The following TATDN3 variants were observed in gnomAD, a reference collection of about 807,000 sequenced individuals.
The protein encoded by TATDN3 is deoxyribonuclease TATDN3.
Under a neutral mutation model 40.1 loss-of-function variants are expected in TATDN3, and 29 were observed. The ratio of observed to expected loss-of-function variants is 0.72; its 90% CI spans 0.54 to 0.99. TATDN3 has a LOEUF of 0.99. Ranked by LOEUF, TATDN3 falls within the 50% of genes least tolerant of loss-of-function variation. The pLI is 0.00. For synonymous variants in TATDN3, 105 were observed against 117.0 expected (o/e 0.90, Z 0.66); for missense variants, 309 against 321.9 (o/e 0.96, Z 0.31).
In TATDN3 at chr1:212,797,851, T is replaced by C. The variant is rs186284084; in HGVS notation, c.258+655T>C. Reference sequence around the variant, plus strand: ...TTTTGTACCCTCTCTAAAAACATCCTACCCGCACTGACTCACGATAGTTGG... The same window carrying C: ...TTTTGTACCCTCTCTAAAAACATCCCACCCGCACTGACTCACGATAGTTGG... On this transcript the variant is annotated intron_variant, in intron 4 of 9. Transcript: ENST00000366974. 4.5e-3 allele frequency among the ~76,000 whole-genome samples: 679 copies of C among 152,302 alleles called. 5 individuals carry two copies. Among genetic ancestry groups the C allele is most frequent in the Non-Finnish European group, 6.1e-3 (412 of 68,022 alleles).
chr1:212,804,539 A>G lies in TATDN3; in HGVS notation c.432-57A>G, dbSNP rs180718080. 242 of 1,582,280 alleles carry G rather than the reference A, an allele frequency of 1.5e-4. 1 individual carries two copies. In the East Asian group the frequency reaches 3.4e-3, roughly 22 times the overall value. ...ATTTTTCTCCAAACTACTTTAATAG[A>G]TCAAAAACAATACTTTCAGAATGGT... On this transcript the variant is annotated intron_variant, in intron 6 of 9. Coordinates refer to ENST00000366974, the MANE Select transcript of TATDN3 (RefSeq NM_001042552.3).
intron 8 of TATDN3, 50 bp from the exon 9 acceptor site, chr1:212,812,198 T>C (rs775398338): frequency 7.6e-6 from 9 of 1,183,924 alleles, no homozygotes; most frequent in Non-Finnish European, 1.1e-5. Context: ...TAATGCTCTT[T>C]ATCTTTATTT....
intron 7 of TATDN3, among the ~76,000 whole-genome samples, chr1:212,806,767 T>A (rs1160604643): frequency 7.8e-5 from 9 of 115,470 alleles, no homozygotes; most frequent in African/African-American, 2.8e-4. Flanking sequence ...TATATATATA[T>A]ATATATATAT....
intron 7 of TATDN3, among the ~76,000 whole-genome samples, chr1:212,807,440 A>G (rs1662609960): frequency 6.6e-6 from 1 of 151,838 alleles, no homozygotes; most frequent in African/African-American, 2.4e-5. Flanking sequence ...TTTTGTAGAG[A>G]CGGGGTTTCA....
intron 7 of TATDN3, among the ~76,000 whole-genome samples, chr1:212,807,142 C>T (rs914899030): frequency 2.0e-4 from 30 of 151,820 alleles, no homozygotes; most frequent in East Asian, 1.9e-4. Flanking sequence ...GATGGGGTTT[C>T]ACCATGCTAG....
At chr1:212,800,883 A>G (rs1463775997) in intron 4 of TATDN3, among the ~76,000 whole-genome samples, 1 of 148,596 alleles carries the variant, frequency 6.7e-6, no homozygotes, top group Non-Finnish European at 1.5e-5. Flanking sequence ...GTATAGGGGT[A>G]TGTAATCTTT....
At position 212,815,954 on chromosome 1, in the gene TATDN3, T is replaced by G. The variant is rs1199489494; in HGVS notation, c.*798T>G. The stretch of plus-strand genomic sequence containing the variant: ...TTGAACTTTTAGTACTTCGAATTAT[T>G]TCTCTTTAAGATAAAAATGCATACG... On this transcript the variant is annotated 3_prime_UTR_variant, in exon 10 of 10. Coordinates refer to ENST00000366974, the MANE Select transcript of TATDN3 (RefSeq NM_001042552.3). 6.6e-6 allele frequency: 1 copy of G among 152,224 alleles called. No homozygotes were observed. The highest frequency in any genetic ancestry group is 1.5e-5 in the Non-Finnish European group (1 of 68,036). 9.4% of individuals were successfully genotyped at this position (152,224 alleles called of 1,614,324 possible).
intron 4 of TATDN3, among the ~76,000 whole-genome samples, chr1:212,798,212 G>C (rs1426950235): frequency 2.0e-5 from 3 of 151,880 alleles, no homozygotes; most frequent in Admixed American, 6.6e-5. Context: ...TGTAGTCCCA[G>C]CTACTCGGGA....
chr1:212,802,021 T>G (rs949516825), intron 4 of TATDN3, among the ~76,000 whole-genome samples: 2 of 152,218 alleles, frequency 1.3e-5, no homozygotes, highest in Admixed American at 1.3e-4. Context: ...AAATTTGCAA[T>G]GTAGTCTAAA....
intron 3 of TATDN3, chr1:212,796,881 A>G (rs559587932): frequency 2.0e-6 from 1 of 493,638 alleles, no homozygotes; most frequent in East Asian, 3.2e-5. Flanking sequence ...GGTCTAAAGC[A>G]TGCACCACCA....
intron 7 of TATDN3, among the ~76,000 whole-genome samples, chr1:212,806,663 G>C (rs1466162111): frequency 6.8e-6 from 1 of 146,714 alleles, no homozygotes; most frequent in Non-Finnish European, 1.5e-5. Context: ...TTACAGACAT[G>C]AGCCACTGTG....
At chr1:212,806,573 C>T (rs1266775888) in intron 7 of TATDN3, among the ~76,000 whole-genome samples, 1 of 150,122 alleles carries the variant, frequency 6.7e-6, no homozygotes, top group Non-Finnish European at 1.5e-5. Flanking sequence ...AACTGGGTTT[C>T]ACCATGTTGC....
chr1:212,800,105 A>G (rs1171273220), intron 4 of TATDN3, among the ~76,000 whole-genome samples: 3 of 152,222 alleles, frequency 2.0e-5, no homozygotes, highest in Non-Finnish European at 4.4e-5. Flanking sequence ...CTTGTTTTAT[A>G]AGATGAATTA....
At chr1:212,811,183 T>G (rs373909617) in intron 8 of TATDN3, among the ~76,000 whole-genome samples, 1 of 151,994 alleles carries the variant, frequency 6.6e-6, no homozygotes, top group African/African-American at 2.4e-5. Flanking sequence ...CTGGCTAGGC[T>G]GGAGTGCAGT....
At chr1:212,792,016 G>A in intron 1 of TATDN3, 29 bp downstream of exon 1, 1 of 1,609,922 alleles carries the variant, frequency 6.2e-7, no homozygotes, top group South Asian at 1.1e-5. Flanking sequence ...GGACCAGAGG[G>A]AGCAGGGAGG....
chr1:212,806,746 CCATATA>C (rs1342358905), intron 7 of TATDN3, among the ~76,000 whole-genome samples: 8 of 45,186 alleles, frequency 1.8e-4, no homozygotes, highest in Admixed American at 6.7e-4. Flanking sequence ...CTCTCTCTCT[CCATATA>C]TATATATATA....
In TATDN3 at chr1:212,791,975, G is replaced by A; in HGVS notation, c.54G>A (p.Pro18=). ...LVDCHCHLSA[P]DFDRDLDDVL... ...ACTGTCACTGCCACCTCTCCGCCCCGGACTTTGACCGCGTATGTGAGGGCG... is the reference window on the plus strand; with the variant it reads ...ACTGTCACTGCCACCTCTCCGCCCCAGACTTTGACCGCGTATGTGAGGGCG... The change falls in exon 1 of 10, where the codon CCG becomes CCA. Residue 18 remains proline, a synonymous_variant. Transcript: ENST00000366974. 4 of 1,614,058 alleles carry A rather than the reference G, an allele frequency of 2.5e-6. No homozygotes were observed. Among genetic ancestry groups the A allele is most frequent in the Non-Finnish European group, 3.4e-6 (4 of 1,180,006 alleles).
intron 8 of TATDN3, among the ~76,000 whole-genome samples, chr1:212,811,814 T>A (rs866248566): frequency 1.3e-5 from 2 of 152,072 alleles, no homozygotes; most frequent in Non-Finnish European, 2.9e-5. Context: ...GTGATTCTTC[T>A]TCCTCAGCCT....
chr1:212,811,423 C>G (rs1396264930), intron 8 of TATDN3, among the ~76,000 whole-genome samples: 1 of 151,808 alleles, frequency 6.6e-6, no homozygotes, highest in Non-Finnish European at 1.5e-5. Context: ...GCCACCACCC[C>G]GGCTTAATTT....
Sources: gnomAD v4.1 joint callset for allele counts (sites outside exome capture counted in the v4.1 genomes callset) on GRCh38, gnomAD v4.1.1 for gene constraint, MANE v1.5 for transcripts, NCBI Gene and HGNC (gene_info 2026-07-23, HGNC 2026-07-21) for gene names.